Variants in TRDN observed in about 807,000 individuals in gnomAD.
TRDN encodes triadin in skeletal muscle.
A neutral mutation model predicts 149.7 loss-of-function variants in TRDN; 161 were observed. The ratio of observed to expected loss-of-function variants is 1.08; its 90% CI spans 0.95 to 1.23. The LOEUF is 1.23. Ranked by LOEUF, TRDN falls within the 50% of genes most tolerant of loss-of-function variation. The pLI is 0.00. For synonymous variants in TRDN, 294 were observed against 250.5 expected (o/e 1.17, Z -1.64); for missense variants, 896 against 823.5 (o/e 1.09, Z -1.08).
intron 16 of TRDN, 26 bp downstream of exon 16, chr6:123,381,344 C>T (rs767867479): frequency 6.5e-7 from 1 of 1,546,648 alleles, no homozygotes; most frequent in Non-Finnish European, 8.7e-7. Context: ...AAAAAGTACA[C>T]AAATACACTG....
At chr6:123,409,211 T>C (rs1771110199) in intron 12 of TRDN, among the ~76,000 whole-genome samples, 1 of 152,206 alleles carries the variant, frequency 6.6e-6, no homozygotes, top group Admixed American at 6.5e-5. Context: ...AACAGATGTG[T>C]CTTGAAAACC....
intron 24 of TRDN, among the ~76,000 whole-genome samples, chr6:123,308,343 T>C (rs1024179217): frequency 6.6e-6 from 1 of 151,762 alleles, no homozygotes; most frequent in Non-Finnish European, 1.5e-5. Flanking sequence ...TGTGTGTTTT[T>C]TTTTTTTTTT....
At chr6:123,494,419 T>C (rs1778347477) in intron 9 of TRDN, among the ~76,000 whole-genome samples, 2 of 152,332 alleles carry the variant, frequency 1.3e-5, no homozygotes, top group African/African-American at 2.4e-5. Context: ...GCTGAATTTC[T>C]TAGTGCATGG....
intron 1 of TRDN, among the ~76,000 whole-genome samples, chr6:123,602,248 A>G (rs1201895105): frequency 3.3e-5 from 5 of 152,148 alleles, no homozygotes; most frequent in African/African-American, 1.2e-4. Context: ...CCACTCAGCC[A>G]TAAAACAGAA....
chr6:123,554,280 G>T lies in TRDN; in HGVS notation c.233-5668C>A, dbSNP rs528972894. On this transcript the variant is annotated intron_variant, in intron 2 of 40. Coordinates refer to ENST00000334268, the MANE Select transcript of TRDN (RefSeq NM_006073.4). ...CCTTCTGTATGGTAGTACTCAATATGAGCTTGGCTAAGCAAAGCAGAGATT... is the reference window on the plus strand; with the variant it reads ...CCTTCTGTATGGTAGTACTCAATATTAGCTTGGCTAAGCAAAGCAGAGATT... 3.9e-5 allele frequency among the ~76,000 whole-genome samples: 6 copies of T among 152,110 alleles called. No homozygotes were observed. In the South Asian group the frequency reaches 1.2e-3, roughly 32 times the overall value.
chr6:123,626,037 G>A (rs961131599), intron 1 of TRDN, among the ~76,000 whole-genome samples: 1 of 152,172 alleles, frequency 6.6e-6, no homozygotes, highest in South Asian at 2.1e-4. Flanking sequence ...TGAAATCAGA[G>A]TTAATCCTCT....
chr6:123,447,609 T>C (rs1583042599), intron 10 of TRDN, among the ~76,000 whole-genome samples: 1 of 152,128 alleles, frequency 6.6e-6, no homozygotes, highest in Non-Finnish European at 1.5e-5. Context: ...GCAGATGCAG[T>C]TGAGAACTCA....
intron 1 of TRDN, among the ~76,000 whole-genome samples, chr6:123,591,063 T>C (rs2114618187): frequency 6.6e-6 from 1 of 152,274 alleles, no homozygotes; most frequent in Admixed American, 6.5e-5. Context: ...GTAATATAAA[T>C]TGGCACTTTC....
intron 12 of TRDN, among the ~76,000 whole-genome samples, chr6:123,398,664 A>G (rs1312528154): frequency 6.6e-6 from 1 of 152,218 alleles, no homozygotes; most frequent in Non-Finnish European, 1.5e-5. Flanking sequence ...TCTTGTACTT[A>G]TAACTCCAGG....
intron 1 of TRDN, among the ~76,000 whole-genome samples, chr6:123,585,537 G>T (rs55877781): frequency 6.6e-6 from 1 of 152,276 alleles, no homozygotes; most frequent in East Asian, 1.9e-4. Flanking sequence ...CTTCCGAGGC[G>T]ATTGGGCAGC....
At chr6:123,388,700 C>A in intron 13 of TRDN, 149 bp from the exon 14 acceptor site, 2 of 796,390 alleles carry the variant, frequency 2.5e-6, no homozygotes, top group Non-Finnish European at 3.9e-6. Flanking sequence ...GGAGTGTAAG[C>A]AGAAAATATT....
chr6:123,279,112 C>T (rs1396234671), intron 24 of TRDN, 30 bp from the exon 25 acceptor site: 5 of 1,567,386 alleles, frequency 3.2e-6, no homozygotes, highest in Non-Finnish European at 4.4e-6. Context: ...TTATTAAAGG[C>T]TGAGTCATAC....
intron 5 of TRDN, among the ~76,000 whole-genome samples, chr6:123,524,037 C>A (rs534819025): frequency 6.6e-6 from 1 of 152,258 alleles, no homozygotes; most frequent in South Asian, 2.1e-4. Flanking sequence ...CAAACCCTGG[C>A]ATTACTTCTC....
rs941594393 is a variant in TRDN, at chr6:123,218,016, G to A, written c.*585C>T. 6.6e-6 allele frequency: 1 copy of A among 151,846 alleles called. No individual in the cohort carries two copies. Among genetic ancestry groups the A allele is most frequent in the Non-Finnish European group, 1.5e-5 (1 of 67,902 alleles). 9.4% of individuals were successfully genotyped at this position (151,846 alleles called of 1,614,324 possible). A position where few individuals can be genotyped will look rare whatever the true frequency, so the allele number is the denominator to read the frequency against. ...CTCAGAGATATTTTGAGCTCTAAAA[G>A]AGTATCACAAGAAATTTATAGCAGT... On this transcript the variant is annotated 3_prime_UTR_variant, in exon 41 of 41. Transcript: ENST00000334268.
intron 14 of TRDN, 27 bp downstream of exon 14, chr6:123,388,495 C>T: frequency 1.9e-6 from 3 of 1,579,656 alleles, no homozygotes; most frequent in Middle Eastern, 1.7e-4. Context: ...TCACAAAAGG[C>T]TCAGTGGGAT....
Position 123,273,322 on chromosome 6 carries a change from A to G in TRDN, c.1624+15T>C, listed in dbSNP as rs1189121342. On this transcript the variant is annotated intron_variant, in intron 28 of 40. Coordinates refer to ENST00000334268, the MANE Select transcript of TRDN (RefSeq NM_006073.4). ...GTAAGAAAGTCTAAGCATAAAAGAT[A>G]AAATTAATACATACTGTGTATTTGC... 1 of 1,081,692 alleles carries G rather than the reference A, an allele frequency of 9.2e-7. No homozygotes were observed. 67.0% of individuals were successfully genotyped at this position (1,081,692 alleles called of 1,614,324 possible).
chr6:123,484,958 A>G (rs1206811671), intron 9 of TRDN, among the ~76,000 whole-genome samples: 2 of 152,148 alleles, frequency 1.3e-5, no homozygotes, highest in African/African-American at 4.8e-5. Context: ...TTCAGAGGAA[A>G]CCTCCACTCA....
At chr6:123,534,046 A>T (rs1360603282) in intron 4 of TRDN, among the ~76,000 whole-genome samples, 4 of 152,098 alleles carry the variant, frequency 2.6e-5, no homozygotes, top group South Asian at 2.1e-4. Flanking sequence ...GAACAAACTA[A>T]GACAACCTCA....
At chr6:123,419,168 T>C (rs1323961980) in intron 12 of TRDN, among the ~76,000 whole-genome samples, 2 of 151,882 alleles carry the variant, frequency 1.3e-5, no homozygotes, top group Non-Finnish European at 2.9e-5. Context: ...AGGTGGTGGA[T>C]CCCCGCACTG....
Sources: gnomAD v4.1 joint callset for allele counts (sites outside exome capture counted in the v4.1 genomes callset) on GRCh38, gnomAD v4.1.1 for gene constraint, MANE v1.5 for transcripts, NCBI Gene and HGNC (gene_info 2026-07-23, HGNC 2026-07-21) for gene names.